The following TRPM3 variants were observed in gnomAD, a reference collection of about 807,000 sequenced individuals.
TRPM3 encodes transient receptor potential cation channel subfamily M member 3.
In TRPM3, 77 loss-of-function variants were observed where a neutral mutation model predicts 181.2. The ratio of observed to expected loss-of-function variants is 0.42; its 90% CI spans 0.35 to 0.51. The LOEUF (loss-of-function observed/expected upper bound fraction) is 0.51. TRPM3 is among the 20% of genes least tolerant of loss of function. The pLI, the probability that TRPM3 is intolerant of heterozygous loss-of-function variation, is 0.01. For missense variants in TRPM3, 1,759 were observed against 2,196.7 expected, an observed-to-expected ratio of 0.80 and a Z score of 3.98; for synonymous variants, 745 against 796.4, an observed-to-expected ratio of 0.94 and a Z score of 1.09.
chr9:70,541,292 G>C (rs2131648652), intron 25 of TRPM3, among the ~76,000 whole-genome samples: 1 of 152,246 alleles, frequency 6.6e-6, no homozygotes, highest in East Asian at 1.9e-4. Context: ...CTCTGAGATG[G>C]GCTGAAATGT....
chr9:70,812,301 G>A (rs2092180820), intron 6 of TRPM3, among the ~76,000 whole-genome samples: 1 of 152,172 alleles, frequency 6.6e-6, no homozygotes, highest in South Asian at 2.1e-4. Flanking sequence ...CTGGTGAGAG[G>A]CATGTAGGAA....
chr9:71,249,906 T>C (rs545976241), intron 1 of TRPM3, among the ~76,000 whole-genome samples: 1 of 152,350 alleles, frequency 6.6e-6, no homozygotes, highest in Admixed American at 6.5e-5. Context: ...GAAAGAATTC[T>C]TCACGTGGGA....
chr9:71,089,829 G>A (rs1411029279), intron 1 of TRPM3, among the ~76,000 whole-genome samples: 1 of 152,020 alleles, frequency 6.6e-6, no homozygotes, highest in African/African-American at 2.4e-5. Context: ...AAAGCTTATA[G>A]GCTGCCATCA....
intron 1 of TRPM3, among the ~76,000 whole-genome samples, chr9:71,422,071 A>G (rs1038277812): frequency 6.6e-6 from 1 of 151,964 alleles, no homozygotes; most frequent in African/African-American, 2.4e-5. Flanking sequence ...TCTCCCCTGA[A>G]TATATGAAAT....
chr9:70,957,126 A>G (rs2097084742), intron 1 of TRPM3, among the ~76,000 whole-genome samples: 1 of 151,720 alleles, frequency 6.6e-6, no homozygotes, highest in Admixed American at 6.6e-5. Context: ...GCACCTGGCT[A>G]ATTTTTTTTG....
chr9:70,631,458 ACACT>A (rs1419196741), intron 12 of TRPM3, among the ~76,000 whole-genome samples: 3 of 151,742 alleles, frequency 2.0e-5, no homozygotes. Context: ...CTTCCACATA[ACACT>A]CAAATAGCAT....
intron 21 of TRPM3, 99 bp from the exon 22 acceptor site, chr9:70,591,304 C>T (rs2058070947): frequency 1.0e-6 from 1 of 988,948 alleles, no homozygotes; most frequent in South Asian, 1.4e-5. Context: ...GGAGGAGGTC[C>T]ACTTTCTAGA....
At chr9:70,679,324 C>T (rs905096589) in intron 9 of TRPM3, among the ~76,000 whole-genome samples, 1 of 152,054 alleles carries the variant, frequency 6.6e-6, no homozygotes, top group Non-Finnish European at 1.5e-5. Flanking sequence ...GTATGTCATA[C>T]TCAAAAATGT....
intron 1 of TRPM3, among the ~76,000 whole-genome samples, chr9:71,026,102 T>G (rs1033221381): frequency 1.1e-4 from 17 of 152,182 alleles, no homozygotes; most frequent in African/African-American, 4.1e-4. Flanking sequence ...CTGCAGCCAG[T>G]GCAGAGTCCA....
At chr9:71,419,387 A>T (rs1260217957) in intron 1 of TRPM3, among the ~76,000 whole-genome samples, 2 of 151,964 alleles carry the variant, frequency 1.3e-5, no homozygotes, top group African/African-American at 4.8e-5. Flanking sequence ...TGCGCAGAAG[A>T]TACCACATTT....
At chr9:70,897,353 A>G (rs1428484941) in intron 1 of TRPM3, among the ~76,000 whole-genome samples, 1 of 147,742 alleles carries the variant, frequency 6.8e-6, no homozygotes, top group Non-Finnish European at 1.5e-5. Context: ...ATTTGCAGCA[A>G]CATGAGTGGA....
chr9:70,836,947 T>G (rs1224589002), intron 5 of TRPM3, among the ~76,000 whole-genome samples: 1 of 152,224 alleles, frequency 6.6e-6, no homozygotes, highest in Non-Finnish European at 1.5e-5. Context: ...TCATCACTGT[T>G]CTCACTAGAA....
chr9:71,020,144 T>TG (rs1253914170), intron 1 of TRPM3, among the ~76,000 whole-genome samples: 2 of 148,826 alleles, frequency 1.3e-5, no homozygotes, highest in African/African-American at 4.9e-5. Flanking sequence ...TAAATGGGGG[T>TG]GAAAAAAAAA....
intron 1 of TRPM3, among the ~76,000 whole-genome samples, chr9:71,143,015 T>C (rs1406957836): frequency 6.7e-6 from 1 of 148,422 alleles, no homozygotes; most frequent in Admixed American, 6.8e-5. Flanking sequence ...ACAGGCCTGG[T>C]GGCACATGCC....
chr9:70,555,168 A>T (rs2047356437), intron 22 of TRPM3, among the ~76,000 whole-genome samples: 1 of 152,030 alleles, frequency 6.6e-6, no homozygotes, highest in Non-Finnish European at 1.5e-5. Context: ...CTTCTAAAAG[A>T]CCCCTCTGCT....
chr9:70,830,838 C>T (rs1358122713), intron 5 of TRPM3, among the ~76,000 whole-genome samples: 1 of 152,190 alleles, frequency 6.6e-6, no homozygotes, highest in East Asian at 1.9e-4. Context: ...CTATGCCAAG[C>T]TCATAGCAGG....
At chr9:71,219,224 C>CT (rs1565353647) in intron 1 of TRPM3, among the ~76,000 whole-genome samples, 3 of 152,092 alleles carry the variant, frequency 2.0e-5, no homozygotes, top group South Asian at 4.1e-4. Context: ...GAGGGAAGGG[C>CT]TTTTTTTCCA....
rs116892491 is a variant in TRPM3 at position 71,027,312 on chromosome 9, A to C, written c.177+93866T>G. 5.0e-3 allele frequency among the ~76,000 whole-genome samples: 754 copies of C among 152,260 alleles called. 19 individuals carry two copies. The East Asian group carries it at 0.078, about 16-fold the overall frequency. On this transcript the variant is annotated intron_variant, in intron 1 of 25. Transcript: ENST00000677713. ...TGGACTAGGGTAAAAGAAAAATAAA[A>C]TCCATCCAAAGGACAGCAACTTCAA...
intron 9 of TRPM3, among the ~76,000 whole-genome samples, chr9:70,667,520 G>A (rs1318567233): frequency 6.6e-6 from 1 of 152,052 alleles, no homozygotes; most frequent in African/African-American, 2.4e-5. Flanking sequence ...TTTGTACCTG[G>A]TTCCCCTAGA....
Sources: allele counts gnomAD v4.1 joint callset (sites outside exome capture counted in the v4.1 genomes callset), GRCh38; gene constraint gnomAD v4.1.1; transcripts MANE v1.5; gene names NCBI Gene and HGNC (gene_info 2026-07-23, HGNC 2026-07-21).